The following PRKCQ variants were observed in gnomAD, a reference collection of about 807,000 sequenced individuals.
The protein encoded by PRKCQ is protein kinase C theta type.
PRKCQ carries 41 observed loss-of-function variants against 91.2 expected under a neutral mutation model. That is an observed-to-expected ratio of 0.45 (90% CI 0.35 to 0.58). PRKCQ has a LOEUF of 0.58. Ranked by LOEUF, PRKCQ falls within the 20% of genes least tolerant of loss-of-function variation. The pLI, the probability that PRKCQ is intolerant of heterozygous loss-of-function variation, is 0.00. For synonymous variants in PRKCQ, 307 were observed against 316.9 expected, an observed-to-expected ratio of 0.97 and a Z score of 0.33; for missense variants, 673 against 896.5, an observed-to-expected ratio of 0.75 and a Z score of 3.18.
chr10:6,404,510 TCTC>T, the PRKCQ span, among the ~76,000 whole-genome samples: 8 of 150,498 alleles, frequency 5.3e-5, no homozygotes, highest in Admixed American at 2.6e-4. Flanking sequence ...TTTCTCTGTC[TCTC>T]CTTCCTCCCT....
chr10:6,435,592 T>G (rs369284299), intron 16 of PRKCQ, among the ~76,000 whole-genome samples: 1 of 152,200 alleles, frequency 6.6e-6, no homozygotes, highest in African/African-American at 2.4e-5. Flanking sequence ...AACTCTTCTA[T>G]GTCAACTTTG....
At chr10:6,417,967 T>C in the PRKCQ span, among the ~76,000 whole-genome samples, 1 of 152,194 alleles carries the variant, frequency 6.6e-6, no homozygotes, top group African/African-American at 2.4e-5. Context: ...CTCCCAGACA[T>C]GGGTCTCCTT....
chr10:6,518,905 C>T lies in PRKCQ; in HGVS notation c.-9-3761G>A, dbSNP rs187371409. Among the ~76,000 whole-genome samples the T allele has an allele frequency of 1.7e-3, 266 of 152,258 alleles. 1 individual carries two copies. Among genetic ancestry groups the T allele is most frequent in the Middle Eastern group, 6.8e-3 (2 of 294 alleles). ...GCAATTATCAAATATTTTTGAAATGCTATTACTTAATGTTGGTAAGGACAA... is the reference window on the plus strand; with the variant it reads ...GCAATTATCAAATATTTTTGAAATGTTATTACTTAATGTTGGTAAGGACAA... On this transcript the variant is annotated intron_variant, in intron 1 of 17. Coordinates refer to ENST00000263125, the MANE Select transcript of PRKCQ (RefSeq NM_006257.5).
downstream of PRKCQ, among the ~76,000 whole-genome samples, chr10:6,424,107 A>C (rs2132209082): frequency 6.6e-6 from 1 of 152,164 alleles, no homozygotes; most frequent in South Asian, 2.1e-4. Context: ...AACAAGCAAA[A>C]TTCTCGGGGC....
intron 1 of PRKCQ, among the ~76,000 whole-genome samples, chr10:6,520,370 T>C (rs905066385): frequency 6.6e-6 from 1 of 152,128 alleles, no homozygotes; most frequent in African/African-American, 2.4e-5. Flanking sequence ...GCACCACCTC[T>C]CTTGTGACTC....
chr10:6,427,577 T>G lies in PRKCQ; in HGVS notation c.*630A>C, dbSNP rs1833178759. ...TGTCTAGCAAACCTTCCCTCTCACT[T>G]TCCACTTGTCCTCTTGACCATGGAT... On this transcript the variant is annotated 3_prime_UTR_variant, in exon 18 of 18. Transcript: ENST00000263125. 1 of 152,418 alleles carries G rather than the reference T, an allele frequency of 6.6e-6. No homozygotes were observed. The highest frequency in any genetic ancestry group is 6.5e-5 in the Admixed American group (1 of 15,286). The allele number at this position is 152,418 out of a possible 1,614,324, so 9.4% of individuals were successfully genotyped here. A position where few individuals can be genotyped will look rare whatever the true frequency, so the allele number is the denominator to read the frequency against.
chr10:6,401,539 T>C, the PRKCQ span, among the ~76,000 whole-genome samples: 1 of 152,092 alleles, frequency 6.6e-6, no homozygotes, highest in Non-Finnish European at 1.5e-5. Context: ...TTGATCCATT[T>C]TCGTGCTTTG....
chr10:6,430,566 A>G lies in PRKCQ; in HGVS notation c.1965+244T>C, dbSNP rs549113874. ...CAACCTAAGGCGTGGACACACAGCAATCCATTCTTCATGCAGGCGCATCTT... is the reference window on the plus strand; with the variant it reads ...CAACCTAAGGCGTGGACACACAGCAGTCCATTCTTCATGCAGGCGCATCTT... On this transcript the variant is annotated intron_variant, in intron 17 of 17. Transcript: ENST00000263125. This position sits in a 1 kb window ranked among gnomAD's most constrained non-coding sequence, Gnocchi z 4.7. 2.0e-5 allele frequency among the ~76,000 whole-genome samples: 3 copies of G among 152,330 alleles called. No individual in the cohort carries two copies. Among genetic ancestry groups the G allele is most frequent in the African/African-American group, 7.2e-5 (3 of 41,564 alleles).
chr10:6,572,356 G>C (rs1841078386), intron 1 of PRKCQ, among the ~76,000 whole-genome samples: 1 of 152,086 alleles, frequency 6.6e-6, no homozygotes, highest in Non-Finnish European at 1.5e-5. Flanking sequence ...ACATGCATTA[G>C]CTACTTTTCC....
chr10:6,461,380 T>A (rs1835341082), intron 14 of PRKCQ, among the ~76,000 whole-genome samples: 1 of 152,192 alleles, frequency 6.6e-6, no homozygotes, highest in African/African-American at 2.4e-5. Context: ...AAAGAAAAAT[T>A]TAAAAAAATT....
At chr10:6,566,587 G>A (rs142493199) in intron 1 of PRKCQ, among the ~76,000 whole-genome samples, 5 of 152,262 alleles carry the variant, frequency 3.3e-5, no homozygotes, top group Admixed American at 6.5e-5. Context: ...ACTAGGTAGG[G>A]TGAATGACAC....
chr10:6,533,433 G>A (rs1026308314), intron 1 of PRKCQ, among the ~76,000 whole-genome samples: 2 of 152,048 alleles, frequency 1.3e-5, no homozygotes, highest in African/African-American at 4.8e-5. Context: ...CTGACCTCAG[G>A]TGATCCACCC....
intron 1 of PRKCQ, among the ~76,000 whole-genome samples, chr10:6,553,120 G>C (rs1317748735): frequency 6.6e-6 from 1 of 152,148 alleles, no homozygotes; most frequent in East Asian, 1.9e-4. Flanking sequence ...TACAGAATGA[G>C]AGTGAAAAGG....
At chr10:6,457,058 G>A (rs1011991614) in intron 14 of PRKCQ, among the ~76,000 whole-genome samples, 1 of 152,186 alleles carries the variant, frequency 6.6e-6, no homozygotes, top group African/African-American at 2.4e-5. Context: ...GGAGGACAGA[G>A]CACCCATACC....
Position 6,427,990 on chromosome 10 carries a change from G to A in PRKCQ, c.*217C>T, listed in dbSNP as rs1833201839. The A allele has an allele frequency of 1.7e-6, 1 of 584,198 alleles. No individual in the cohort carries two copies. The highest frequency in any genetic ancestry group is 3.0e-6 in the Non-Finnish European group (1 of 334,214). The allele number at this position is 584,198 out of a possible 1,614,324, so 36.2% of individuals were successfully genotyped here. A position where few individuals can be genotyped will look rare whatever the true frequency, so the allele number is the denominator to read the frequency against. ...TAATGACCTAACTTCAGGAGCGTCT[G>A]TGAGACATGTCAGGAGACGAGACAC... On this transcript the variant is annotated 3_prime_UTR_variant, in exon 18 of 18. Coordinates refer to ENST00000263125, the MANE Select transcript of PRKCQ (RefSeq NM_006257.5).
intron 1 of PRKCQ, among the ~76,000 whole-genome samples, chr10:6,546,339 T>C (rs1366001370): frequency 2.0e-5 from 3 of 152,044 alleles, no homozygotes; most frequent in Non-Finnish European, 4.4e-5. Flanking sequence ...ACCATCCAGG[T>C]TTACAGTAGA....
intron 16 of PRKCQ, 51 bp downstream of exon 16, chr10:6,441,842 C>G: frequency 1.3e-6 from 2 of 1,519,836 alleles, no homozygotes; most frequent in Non-Finnish European, 1.8e-6. Context: ...GAAAACTGAC[C>G]AGAAGACCTA....
downstream of PRKCQ, chr10:6,427,038 T>TC (rs1766013713): frequency 6.6e-6 from 1 of 152,122 alleles, no homozygotes; most frequent in African/African-American, 2.4e-5. Flanking sequence ...GCCCAGCCAA[T>TC]CCCCCAACTG....
rs1464124278 is a variant in PRKCQ, at chr10:6,427,300, C to A, written c.*907G>T. On this transcript the variant is annotated 3_prime_UTR_variant, in exon 18 of 18. Coordinates refer to ENST00000263125, the MANE Select transcript of PRKCQ (RefSeq NM_006257.5). Reference sequence around the variant, plus strand: ...GACTGCTGCAAACAGCATGCATGGGCCATTGATCTTGAATGATGCCTACGG... The same window carrying A: ...GACTGCTGCAAACAGCATGCATGGGACATTGATCTTGAATGATGCCTACGG... The A allele has an allele frequency of 6.6e-6, 1 of 152,108 alleles. No individual in the cohort carries two copies. 9.4% of individuals were successfully genotyped at this position (152,108 alleles called of 1,614,324 possible).
Sources: gnomAD v4.1 joint callset for allele counts (sites outside exome capture counted in the v4.1 genomes callset) on GRCh38, gnomAD v4.1.1 for gene constraint, Gnocchi (gnomAD v3.1) non-coding constraint, MANE v1.5 for transcripts, NCBI Gene and HGNC (gene_info 2026-07-23, HGNC 2026-07-21) for gene names.